PGCKA1: variants seen among roughly 807,000 people sequenced by gnomAD.
PGCKA1 encodes PDCD10 and GCKIII kinases-associated protein 1.
the PGCKA1 span, among the ~76,000 whole-genome samples, chr4:37,468,745 C>CA: frequency 0.41 from 62,577 of 151,180 alleles, 13,664 homozygotes; most frequent in Non-Finnish European, 0.49. Flanking sequence ...TCTGTATACC[C>CA]CCCCACACAC....
chr4:37,517,805 T>A, the PGCKA1 span, among the ~76,000 whole-genome samples: 1 of 152,208 alleles, frequency 6.6e-6, no homozygotes, highest in Admixed American at 6.5e-5. Flanking sequence ...ACTAAGTTAT[T>A]ATTGACTATA....
chr4:37,583,746 A>G, the PGCKA1 span, among the ~76,000 whole-genome samples: 1 of 152,234 alleles, frequency 6.6e-6, no homozygotes, highest in African/African-American at 2.4e-5. Context: ...AGGCGGCAGC[A>G]GCATTGGGTG....
chr4:37,485,843 A>T, the PGCKA1 span, among the ~76,000 whole-genome samples: 1 of 152,244 alleles, frequency 6.6e-6, no homozygotes, highest in Admixed American at 6.5e-5. Flanking sequence ...GTCCTGTCCT[A>T]ATAGCAGGAC....
At chr4:37,475,079 T>C in the PGCKA1 span, among the ~76,000 whole-genome samples, 1 of 152,196 alleles carries the variant, frequency 6.6e-6, no homozygotes, top group East Asian at 1.9e-4. Context: ...CTTTCTTGCT[T>C]GACCTACTGA....
the PGCKA1 span, among the ~76,000 whole-genome samples, chr4:37,550,271 T>C: frequency 6.6e-6 from 1 of 152,044 alleles, no homozygotes; most frequent in Non-Finnish European, 1.5e-5. Flanking sequence ...TCCCCAAACA[T>C]GTAACCTTAA....
chr4:37,589,980 G>A, the PGCKA1 span: 2 of 845,204 alleles, frequency 2.4e-6, no homozygotes, highest in African/African-American at 1.7e-5. Context: ...AGGTTGAAAA[G>A]TAATCACAGA....
At chr4:37,565,121 G>T in the PGCKA1 span, among the ~76,000 whole-genome samples, 1 of 152,270 alleles carries the variant, frequency 6.6e-6, no homozygotes, top group African/African-American at 2.4e-5. Flanking sequence ...CCCCACGAGG[G>T]TACAGGAGGA....
chr4:37,466,596 T>C, the PGCKA1 span, among the ~76,000 whole-genome samples: 3 of 152,126 alleles, frequency 2.0e-5, no homozygotes, highest in Admixed American at 2.0e-4. Flanking sequence ...GAAGAAGATG[T>C]TGATTCTCCT....
chr4:37,530,910 G>T, the PGCKA1 span, among the ~76,000 whole-genome samples: 2 of 150,692 alleles, frequency 1.3e-5, no homozygotes, highest in South Asian at 4.2e-4. Flanking sequence ...GTTTGAACCC[G>T]GGAGGCAGAG....
At chr4:37,571,589 G>A in the PGCKA1 span, among the ~76,000 whole-genome samples, 8 of 151,992 alleles carry the variant, frequency 5.3e-5, no homozygotes, top group South Asian at 1.7e-3. Context: ...CCAGGCTGGA[G>A]TGCAATGGCG....
chr4:37,510,435 G>A, the PGCKA1 span, among the ~76,000 whole-genome samples: 1 of 152,124 alleles, frequency 6.6e-6, no homozygotes, highest in South Asian at 2.1e-4. Context: ...GCAAGCCCAG[G>A]ATCACTGTGG....
chr4:37,466,729 G>C, the PGCKA1 span, among the ~76,000 whole-genome samples: 1 of 152,194 alleles, frequency 6.6e-6, no homozygotes, highest in Non-Finnish European at 1.5e-5. Context: ...TGTCAAGATT[G>C]AATATTAGGA....
the PGCKA1 span, among the ~76,000 whole-genome samples, chr4:37,511,236 CT>C: frequency 6.6e-6 from 1 of 152,202 alleles, no homozygotes; most frequent in South Asian, 2.1e-4. Flanking sequence ...ACAAAGTCCA[CT>C]TTTCTTTTCC....
the PGCKA1 span, among the ~76,000 whole-genome samples, chr4:37,580,611 G>C: frequency 6.6e-6 from 1 of 152,208 alleles, no homozygotes; most frequent in Non-Finnish European, 1.5e-5. Context: ...CCAAACAAAA[G>C]TTTCTCTCTC....
the PGCKA1 span, among the ~76,000 whole-genome samples, chr4:37,555,445 T>G: frequency 6.6e-6 from 1 of 152,186 alleles, no homozygotes; most frequent in Non-Finnish European, 1.5e-5. Flanking sequence ...ACCGATTCCT[T>G]GCATGGCCCT....
chr4:37,535,387 C>CA, the PGCKA1 span, among the ~76,000 whole-genome samples: 1 of 152,052 alleles, frequency 6.6e-6, no homozygotes, highest in Admixed American at 6.5e-5. Flanking sequence ...GACCCTGTTT[C>CA]AAAAAACAGA....
the PGCKA1 span, among the ~76,000 whole-genome samples, chr4:37,569,096 CA>C: frequency 3.4e-5 from 5 of 146,206 alleles, no homozygotes; most frequent in African/African-American, 7.5e-5. Context: ...GACCCTGTCT[CA>C]AAAAAAAAGG....
the PGCKA1 span, among the ~76,000 whole-genome samples, chr4:37,480,979 T>TAAAA: frequency 6.6e-6 from 1 of 152,334 alleles, no homozygotes; most frequent in South Asian, 2.1e-4. Flanking sequence ...TAAATCATGC[T>TAAAA]AATAATGTGC....
the PGCKA1 span, among the ~76,000 whole-genome samples, chr4:37,523,529 A>T: frequency 6.6e-6 from 1 of 151,774 alleles, no homozygotes; most frequent in African/African-American, 2.4e-5. Flanking sequence ...GTAGGGAGGG[A>T]TGACTGTTGG....
Sources: gnomAD v4.1 joint callset for allele counts (sites outside exome capture counted in the v4.1 genomes callset) on GRCh38, gnomAD v4.1.1 for gene constraint, MANE v1.5 for transcripts, NCBI Gene and HGNC (gene_info 2026-07-23, HGNC 2026-07-21) for gene names.